Variants in RBFOX1 observed in about 807,000 individuals in gnomAD.
RBFOX1 encodes the protein RNA binding fox-1 homolog 1.
Under a neutral mutation model 57.7 loss-of-function variants are expected in RBFOX1, and 8 were observed. The observed-to-expected ratio is 0.14, with a 90% CI of 0.08 to 0.25. The LOEUF is 0.25. Among genes scored for constraint, RBFOX1 ranks in the 10% least tolerant of loss-of-function variants. The probability of loss-of-function intolerance (pLI) is 1.00; values close to 1 mark genes in which losing one functional copy is unlikely to be tolerated. For synonymous variants in RBFOX1, 326 were observed against 222.4 expected (o/e 1.47, Z -4.15); for missense variants, 611 against 548.5 (o/e 1.11, Z -1.14).
chr16:6,174,656 G>C (rs994295095), intron 1 of RBFOX1, among the ~76,000 whole-genome samples: 1 of 152,092 alleles, frequency 6.6e-6, no homozygotes, highest in Non-Finnish European at 1.5e-5. Flanking sequence ...TAGGATATCA[G>C]CACAAGAACT....
chr16:7,475,387 T>A (rs2062447487), intron 4 of RBFOX1, among the ~76,000 whole-genome samples: 1 of 150,648 alleles, frequency 6.6e-6, no homozygotes, highest in Non-Finnish European at 1.5e-5. Context: ...CGATCTCGGC[T>A]CACTGCAACT....
At chr16:6,429,444 C>A (rs2094016872) in intron 2 of RBFOX1, among the ~76,000 whole-genome samples, 1 of 152,188 alleles carries the variant, frequency 6.6e-6, no homozygotes, top group Non-Finnish European at 1.5e-5. Context: ...ATCCTAAAGG[C>A]CCTGGTATTT....
At chr16:5,806,079 A>T (rs2055216123) in intron 3 of RBFOX1, among the ~76,000 whole-genome samples, 1 of 152,112 alleles carries the variant, frequency 6.6e-6, no homozygotes, top group African/African-American at 2.4e-5. Context: ...TTTGTCCCTG[A>T]GGCTTAAAAA....
chr16:6,452,278 C>A (rs12933173), intron 2 of RBFOX1, among the ~76,000 whole-genome samples: 1 of 151,872 alleles, frequency 6.6e-6, no homozygotes, highest in East Asian at 1.9e-4. Flanking sequence ...CTCCTTCCTT[C>A]CATGACTCCA....
At chr16:6,808,215 T>C (rs1015007103) in intron 3 of RBFOX1, among the ~76,000 whole-genome samples, 8 of 151,098 alleles carry the variant, frequency 5.3e-5, no homozygotes, top group African/African-American at 1.7e-4. Flanking sequence ...TATTGAAGTA[T>C]GCACTAGCTT....
chr16:6,929,171 C>A (rs1356363840), intron 3 of RBFOX1, among the ~76,000 whole-genome samples: 2 of 152,238 alleles, frequency 1.3e-5, no homozygotes, highest in African/African-American at 2.4e-5. Flanking sequence ...CTACTACCTT[C>A]AGAGCAAACA....
At chr16:7,009,473 C>G (rs546922979) in intron 3 of RBFOX1, among the ~76,000 whole-genome samples, 3 of 151,938 alleles carry the variant, frequency 2.0e-5, no homozygotes, top group African/African-American at 4.8e-5. Flanking sequence ...AATATATTGA[C>G]TGCAGCCCAA....
intron 2 of RBFOX1, among the ~76,000 whole-genome samples, chr16:6,399,071 G>A (rs549599450): frequency 1.1e-4 from 16 of 152,332 alleles, no homozygotes; most frequent in African/African-American, 3.1e-4. Context: ...GCAATACCAC[G>A]TGAAAGCTGC....
chr16:6,874,456 G>C (rs1355950597), intron 3 of RBFOX1, among the ~76,000 whole-genome samples: 1 of 138,262 alleles, frequency 7.2e-6, no homozygotes, highest in African/African-American at 2.7e-5. Context: ...GTTGCAGTTA[G>C]TGGAAGATCA....
chr16:7,702,787 C>A (rs1394029975), intron 14 of RBFOX1, among the ~76,000 whole-genome samples: 5 of 152,152 alleles, frequency 3.3e-5, no homozygotes, highest in African/African-American at 1.2e-4. Context: ...AAAGCAACAA[C>A]TCATTGGTAA....
intron 2 of RBFOX1, chr16:5,467,359 C>A (rs750688253): frequency 3.3e-5 from 37 of 1,116,992 alleles, no homozygotes; most frequent in Middle Eastern, 2.0e-4. Context: ...CTGCCCAGGG[C>A]AGACATCTGT....
chr16:6,931,250 T>C (rs1366492922), intron 3 of RBFOX1, among the ~76,000 whole-genome samples: 2 of 150,872 alleles, frequency 1.3e-5, no homozygotes, highest in South Asian at 2.1e-4. Context: ...GTTTGCTCTT[T>C]GGTGCTACCA....
At chr16:7,215,852 T>G (rs35960276) in intron 4 of RBFOX1, among the ~76,000 whole-genome samples, 59,773 of 151,234 alleles carry the variant, frequency 0.4, 13,454 homozygotes, top group East Asian at 0.64. Context: ...AGCCTCCCGA[T>G]TAGCTGGGAC....
chr16:6,573,949 T>TTA (rs1600277374), intron 2 of RBFOX1: 1 of 152,206 alleles, frequency 6.6e-6, no homozygotes, highest in Non-Finnish European at 1.5e-5. Flanking sequence ...TCCCTCGAGG[T>TTA]TATACCCTCG....
At chr16:5,503,771 G>T (rs1021788567) in intron 2 of RBFOX1, among the ~76,000 whole-genome samples, 7 of 152,108 alleles carry the variant, frequency 4.6e-5, no homozygotes, top group African/African-American at 1.4e-4. Context: ...TATATTCAAA[G>T]TTGTGCAACC....
At chr16:7,527,713 A>G (rs2079016173) in intron 5 of RBFOX1, among the ~76,000 whole-genome samples, 1 of 152,166 alleles carries the variant, frequency 6.6e-6, no homozygotes, top group African/African-American at 2.4e-5. Flanking sequence ...AAATCCTAAT[A>G]CAGTAATGTC....
intron 4 of RBFOX1, among the ~76,000 whole-genome samples, chr16:6,011,508 C>G (rs567856367): frequency 4.3e-4 from 66 of 152,226 alleles, no homozygotes; most frequent in African/African-American, 1.6e-3. Flanking sequence ...TCCTCTGAGC[C>G]TCAGTTTTCC....
At chr16:7,680,748 A>G (rs971470477) in intron 14 of RBFOX1, among the ~76,000 whole-genome samples, 1 of 152,202 alleles carries the variant, frequency 6.6e-6, no homozygotes. Context: ...CTGCTAATGT[A>G]GAGTTAGAAA....
At chr16:5,989,228 G>A (rs2060341935) in intron 4 of RBFOX1, among the ~76,000 whole-genome samples, 1 of 151,996 alleles carries the variant, frequency 6.6e-6, no homozygotes, top group African/African-American at 2.4e-5. Context: ...CTGCTCGGGA[G>A]GCTGAGGCAG....
Sources: gnomAD v4.1 joint callset for allele counts (sites outside exome capture counted in the v4.1 genomes callset) on GRCh38, gnomAD v4.1.1 for gene constraint, MANE v1.5 for transcripts, NCBI Gene and HGNC (gene_info 2026-07-23, HGNC 2026-07-21) for gene names.